LIPI: variants seen among roughly 807,000 people sequenced by gnomAD.
LIPI encodes lipase member I.
LIPI carries 59 observed loss-of-function variants against 50.6 expected under a neutral mutation model. That is an observed-to-expected ratio of 1.16 (90% CI 0.94 to 1.45). The LOEUF (loss-of-function observed/expected upper bound fraction) is 1.45, where lower values mean the gene tolerates loss of function less well. Ranked by LOEUF, LIPI falls within the 40% of genes most tolerant of loss-of-function variation. The probability of loss-of-function intolerance (pLI) is 0.00; values close to 1 mark genes in which losing one functional copy is unlikely to be tolerated. For synonymous variants in LIPI, 203 were observed against 178.2 expected, an observed-to-expected ratio of 1.14 and a Z score of -1.11; for missense variants, 586 against 536.3, an observed-to-expected ratio of 1.09 and a Z score of -0.92.
chr21:14,185,566 T>C (rs1024830741), intron 3 of LIPI, among the ~76,000 whole-genome samples: 1 of 152,144 alleles, frequency 6.6e-6, no homozygotes, highest in Non-Finnish European at 1.5e-5. Flanking sequence ...TATTGAGTAA[T>C]TATTGTACCC....
At chr21:14,174,183 C>T (rs1317907491) in intron 4 of LIPI, among the ~76,000 whole-genome samples, 2 of 152,100 alleles carry the variant, frequency 1.3e-5, no homozygotes, top group Non-Finnish European at 2.9e-5. Flanking sequence ...AGAAATTTGT[C>T]ATTAACTTTG....
At chr21:14,169,716 G>A (rs2018823310) in intron 4 of LIPI, among the ~76,000 whole-genome samples, 1 of 152,022 alleles carries the variant, frequency 6.6e-6, no homozygotes, top group Admixed American at 6.6e-5. Flanking sequence ...TCAAAGCAGT[G>A]TGTAGAGGGA....
At chr21:14,204,417 C>A (rs1284007269) in intron 1 of LIPI, among the ~76,000 whole-genome samples, 1 of 151,648 alleles carries the variant, frequency 6.6e-6, no homozygotes, top group Non-Finnish European at 1.5e-5. Context: ...CTGAAATACA[C>A]CATGATTGAA....
At chr21:14,162,963 T>C (rs2018545776) in intron 7 of LIPI, among the ~76,000 whole-genome samples, 1 of 151,654 alleles carries the variant, frequency 6.6e-6, no homozygotes, top group African/African-American at 2.4e-5. Flanking sequence ...TTCTATGAGA[T>C]TCTCTCTTCT....
intron 9 of LIPI, among the ~76,000 whole-genome samples, chr21:14,125,815 A>G (rs1171185724): frequency 6.6e-6 from 1 of 152,136 alleles, no homozygotes; most frequent in Non-Finnish European, 1.5e-5. Flanking sequence ...TCCGCCTCCC[A>G]AAGTGCTGGG....
chr21:14,166,922 C>T (rs1040301989), intron 4 of LIPI, among the ~76,000 whole-genome samples: 8 of 152,172 alleles, frequency 5.3e-5, no homozygotes, highest in African/African-American at 9.7e-5. Context: ...TTACCTTACT[C>T]GGGAAGCACA....
chr21:14,166,322 C>T (rs200027677), intron 5 of LIPI, 40 bp downstream of exon 5: 15 of 1,087,524 alleles, frequency 1.4e-5, no homozygotes, highest in African/African-American at 3.1e-5. Context: ...TTCATCATTT[C>T]GAATATTATG....
chr21:14,172,856 T>G (rs1192729792), intron 4 of LIPI, among the ~76,000 whole-genome samples: 2 of 151,738 alleles, frequency 1.3e-5, no homozygotes. Context: ...CCCTAAAACT[T>G]AAAGTATAAT....
intron 3 of LIPI, 110 bp from the exon 4 acceptor site, chr21:14,181,969 T>C (rs985769955): frequency 2.9e-6 from 2 of 698,942 alleles, no homozygotes; most frequent in Non-Finnish European, 2.6e-6. Flanking sequence ...ATACTTTTAG[T>C]TTAAACCTAT....
At position 14,195,971 on chromosome 21, in the gene LIPI, A is replaced by G. The variant is rs114463108; in HGVS notation, c.47-6552T>C. Among the ~76,000 whole-genome samples the G allele has an allele frequency of 4.3e-3, 654 of 152,274 alleles. 4 individuals are homozygous for G. Among genetic ancestry groups the G allele is most frequent in the African/African-American group, 0.015 (617 of 41,552 alleles). ...CCAATGAGGATGTAAAGCAACTGAAACCCTTGAACATTGCTGGGGGAAATG... is the reference window on the plus strand; with the variant it reads ...CCAATGAGGATGTAAAGCAACTGAAGCCCTTGAACATTGCTGGGGGAAATG... On this transcript the variant is annotated intron_variant, in intron 1 of 9. Transcript: ENST00000681601.
chr21:14,199,710 G>A lies in LIPI; in HGVS notation c.47-10291C>T, dbSNP rs184899654. On this transcript the variant is annotated intron_variant, in intron 1 of 9. Coordinates refer to ENST00000681601, the MANE Select transcript of LIPI (RefSeq NM_001302998.2). ...TACCATTCCTACTGAAACTGTTCCA[G>A]AAAAAATGAGGAGGAGGGACTCCTC... Among the ~76,000 whole-genome samples, 468 of 151,254 alleles carry A rather than the reference G, an allele frequency of 3.1e-3. 4 individuals carry two copies. The highest frequency in any genetic ancestry group is 0.011 in the African/African-American group (453 of 41,262).
chr21:14,179,694 T>G (rs1285024070), intron 4 of LIPI, among the ~76,000 whole-genome samples: 1 of 152,172 alleles, frequency 6.6e-6, no homozygotes, highest in African/African-American at 2.4e-5. Flanking sequence ...CTTTTATAAC[T>G]TCTTATGCCT....
At chr21:14,141,830 G>A (rs1198975425) in intron 9 of LIPI, among the ~76,000 whole-genome samples, 2 of 152,122 alleles carry the variant, frequency 1.3e-5, no homozygotes, top group Admixed American at 6.6e-5. Context: ...AATTTCTGAT[G>A]TCTGGCCAAG....
rs761666888 is a variant in LIPI, at chr21:14,165,246, T to G, written c.878A>C (p.Lys293Thr). 1.9e-6 allele frequency: 3 copies of G among 1,612,148 alleles called. No homozygotes were observed. ...TSLCVDCDCF[K>T]EKSCPRLGYQ... is the part of the protein sequence containing the mutation. ...ACCCAGCCGAGGACATGATTTTTCC[T>G]TAAAACAGTCACAGTCCACACATAA... The change falls in exon 6 of 10, where the codon AAG becomes ACG. Residue 293 changes from lysine (K) to threonine (T), a missense_variant. Coordinates refer to ENST00000681601, the MANE Select transcript of LIPI (RefSeq NM_001302998.2).
chr21:14,159,317 T>G (rs953959575), intron 7 of LIPI, among the ~76,000 whole-genome samples: 54 of 151,568 alleles, frequency 3.6e-4, no homozygotes, highest in African/African-American at 1.3e-3. Flanking sequence ...CAAGTAGAAT[T>G]TATTACTGGA....
chr21:14,132,097 A>G (rs2017319260), intron 9 of LIPI, among the ~76,000 whole-genome samples: 1 of 152,204 alleles, frequency 6.6e-6, no homozygotes, highest in African/African-American at 2.4e-5. Flanking sequence ...CGTATTAATT[A>G]TTGGTATTCC....
intron 7 of LIPI, among the ~76,000 whole-genome samples, chr21:14,160,581 G>T (rs1403721286): frequency 6.6e-6 from 1 of 151,146 alleles, no homozygotes; most frequent in African/African-American, 2.4e-5. Flanking sequence ...AGGACCTAGG[G>T]CTCAACACAG....
intron 9 of LIPI, among the ~76,000 whole-genome samples, chr21:14,118,734 C>T (rs930812535): frequency 7.2e-5 from 11 of 152,194 alleles, no homozygotes; most frequent in Non-Finnish European, 1.3e-4. Flanking sequence ...GACAGTCCCC[C>T]GGGGCTGGTA....
At chr21:14,185,882 CA>C (rs200600449) in intron 3 of LIPI, 78 bp downstream of exon 3, 58,745 of 656,190 alleles carry the variant, frequency 0.09, 15 homozygotes, top group Middle Eastern at 0.13. Context: ...GACTCTGTCT[CA>C]AAAAAAAAAA....
Sources: gnomAD v4.1 joint callset for allele counts (sites outside exome capture counted in the v4.1 genomes callset) on GRCh38, gnomAD v4.1.1 for gene constraint, MANE v1.5 for transcripts, NCBI Gene and HGNC (gene_info 2026-07-23, HGNC 2026-07-21) for gene names.